Variants in TMEM132B observed in about 807,000 individuals in gnomAD.
TMEM132B encodes transmembrane protein 132B.
TMEM132B carries 18 observed loss-of-function variants against 90.8 expected under a neutral mutation model. That is an observed-to-expected ratio of 0.20 (90% CI 0.14 to 0.29). The LOEUF is 0.29. Ranked by LOEUF, TMEM132B falls within the 10% of genes least tolerant of loss-of-function variation. TMEM132B has a pLI of 1.00. For synonymous variants in TMEM132B, 504 were observed against 523.3 expected (o/e 0.96, Z 0.50); for missense variants, 1,096 against 1,326.8 (o/e 0.83, Z 2.70).
chr12:125,584,674 A>G (rs1161692247), intron 5 of TMEM132B: 1 of 152,280 alleles, frequency 6.6e-6, no homozygotes, highest in Non-Finnish European at 1.5e-5. Flanking sequence ...CTTCACTCAA[A>G]TTAGCTATGT....
At chr12:125,624,578 C>T (rs114449659) in intron 5 of TMEM132B, among the ~76,000 whole-genome samples, 152 of 152,222 alleles carry the variant, frequency 1.0e-3, no homozygotes, top group African/African-American at 3.6e-3. Context: ...TTATTGTCCT[C>T]GAGCTCACTG....
rs1887160884 is a variant in TMEM132B at position 125,659,689 on chromosome 12, A to T, written c.*4979A>T. 6.6e-6 allele frequency: 1 copy of T among 152,228 alleles called. No individual in the cohort carries two copies. The highest frequency in any genetic ancestry group is 1.5e-5 in the Non-Finnish European group (1 of 68,060). 9.4% of individuals were successfully genotyped at this position (152,228 alleles called of 1,614,324 possible). ...CTCCTTGCTTTTAGGATGAATAGGGATGCCTCTTTGGCGATAATTTGACGT... is the reference window on the plus strand; with the variant it reads ...CTCCTTGCTTTTAGGATGAATAGGGTTGCCTCTTTGGCGATAATTTGACGT... On this transcript the variant is annotated 3_prime_UTR_variant, in exon 9 of 9. Coordinates refer to ENST00000682704, the MANE Select transcript of TMEM132B (RefSeq NM_001366854.1).
At chr12:125,384,991 C>T (rs982645406) in intron 2 of TMEM132B, among the ~76,000 whole-genome samples, 3 of 152,182 alleles carry the variant, frequency 2.0e-5, no homozygotes, top group Admixed American at 2.0e-4. Context: ...TTTCCCCATC[C>T]TCTCAGCTCC....
At chr12:125,397,531 C>A (rs893684898) in intron 2 of TMEM132B, among the ~76,000 whole-genome samples, 7 of 152,158 alleles carry the variant, frequency 4.6e-5, no homozygotes, top group Non-Finnish European at 5.9e-5. Context: ...TCATGAGAAA[C>A]CCTTTATTGG....
rs1438861487 is a variant in TMEM132B, at chr12:125,415,286, T to G, written c.960-245T>G. Among the ~76,000 whole-genome samples, 1 of 152,170 alleles carries G rather than the reference T, an allele frequency of 6.6e-6. No individual in the cohort carries two copies. Among genetic ancestry groups the G allele is most frequent in the Non-Finnish European group, 1.5e-5 (1 of 68,044 alleles). On this transcript the variant is annotated intron_variant, in intron 2 of 8. Transcript: ENST00000682704. The surrounding 1 kb of genome is among the most constrained non-coding windows in gnomAD (Gnocchi z 5.3). ...AGTGATCTGGTTCCCAGCACACTGATTAAACAGAAAATTAATGCACATGGC... is the reference window on the plus strand; with the variant it reads ...AGTGATCTGGTTCCCAGCACACTGAGTAAACAGAAAATTAATGCACATGGC...
At chr12:125,537,886 C>T (rs1036887498) in intron 4 of TMEM132B, among the ~76,000 whole-genome samples, 2 of 152,302 alleles carry the variant, frequency 1.3e-5, no homozygotes, top group South Asian at 2.1e-4. Flanking sequence ...AGTGTCCCCA[C>T]TTGCAACATG....
intron 5 of TMEM132B, among the ~76,000 whole-genome samples, chr12:125,634,340 G>A (rs1886433700): frequency 1.3e-5 from 2 of 152,154 alleles, no homozygotes; most frequent in South Asian, 4.1e-4. Flanking sequence ...CTCCCCTCTG[G>A]CCCAAAGCAG....
intron 1 of TMEM132B, among the ~76,000 whole-genome samples, chr12:125,233,691 CCATTTAGT>C (rs1565980355): frequency 6.6e-6 from 1 of 152,190 alleles, no homozygotes; most frequent in Non-Finnish European, 1.5e-5. Flanking sequence ...CAGGATTTGG[CCATTTAGT>C]CTGAATCAAA....
chr12:125,474,802 G>A (rs1881827735), intron 3 of TMEM132B, among the ~76,000 whole-genome samples: 1 of 152,174 alleles, frequency 6.6e-6, no homozygotes, highest in Admixed American at 6.5e-5. Context: ...CCGTCTCTGG[G>A]CTCTGCCTAC....
intron 1 of TMEM132B, among the ~76,000 whole-genome samples, chr12:125,206,867 C>T (rs1238940538): frequency 3.9e-5 from 6 of 152,200 alleles, no homozygotes; most frequent in Non-Finnish European, 7.3e-5. Context: ...GGGGCTTGGA[C>T]GCATTGTTTC....
intron 4 of TMEM132B, among the ~76,000 whole-genome samples, chr12:125,576,461 TC>T (rs1593002094): frequency 6.9e-6 from 1 of 145,356 alleles, no homozygotes; most frequent in South Asian, 2.3e-4. Flanking sequence ...TTTCAATTAA[TC>T]CCCCCCACCC....
chr12:125,391,545 GA>G (rs1310016040), intron 2 of TMEM132B, among the ~76,000 whole-genome samples: 1 of 152,146 alleles, frequency 6.6e-6, no homozygotes, highest in Admixed American at 6.5e-5. Flanking sequence ...AAGTAGCAGA[GA>G]CCCTCCCCTA....
chr12:125,377,132 C>T (rs1432429727), intron 2 of TMEM132B, among the ~76,000 whole-genome samples: 1 of 152,232 alleles, frequency 6.6e-6, no homozygotes, highest in Non-Finnish European at 1.5e-5. Flanking sequence ...GCTGTCTGTG[C>T]ACTGCCTCTG....
At chr12:125,640,736 G>A (rs1039437212) in intron 5 of TMEM132B, among the ~76,000 whole-genome samples, 1 of 152,122 alleles carries the variant, frequency 6.6e-6, no homozygotes, top group African/African-American at 2.4e-5. Flanking sequence ...GCTGGATTCA[G>A]TACAGGTAAA....
intron 5 of TMEM132B, among the ~76,000 whole-genome samples, chr12:125,631,074 A>C (rs1462445030): frequency 1.3e-5 from 2 of 152,046 alleles, no homozygotes; most frequent in African/African-American, 4.8e-5. Context: ...AAGATGAATC[A>C]TTAAATTGTT....
chr12:125,205,927 CG>C lies in TMEM132B; in HGVS notation c.67+19064del, dbSNP rs1346888556. 5.3e-5 allele frequency among the ~76,000 whole-genome samples: 8 copies of C among 152,296 alleles called. No individual in the cohort carries two copies. In the East Asian group the frequency reaches 1.5e-3, roughly 29 times the overall value. On this transcript the variant is annotated intron_variant, in intron 1 of 8. Transcript: ENST00000682704. ...TTATTTGGAGAAAGATTGCAGCAGG[CG>C]GGACCCTCAGTAAGGGTTAATCATT...
intron 2 of TMEM132B, among the ~76,000 whole-genome samples, chr12:125,373,017 T>C (rs1878345492): frequency 6.6e-6 from 1 of 152,240 alleles, no homozygotes; most frequent in African/African-American, 2.4e-5. Flanking sequence ...TATGTGGTCC[T>C]CTTTGGCAAT....
chr12:125,352,015 C>T (rs1877602211), intron 2 of TMEM132B, among the ~76,000 whole-genome samples: 1 of 152,218 alleles, frequency 6.6e-6, no homozygotes, highest in South Asian at 2.1e-4. Flanking sequence ...AAACAAGGAT[C>T]CTGCTGCCAT....
intron 4 of TMEM132B, among the ~76,000 whole-genome samples, chr12:125,547,286 A>G (rs1264817773): frequency 2.6e-5 from 4 of 152,132 alleles, no homozygotes; most frequent in Admixed American, 2.0e-4. Flanking sequence ...GGTGCTATAC[A>G]TCTTTGTCAG....
Sources: gnomAD v4.1 joint callset for allele counts (sites outside exome capture counted in the v4.1 genomes callset) on GRCh38, gnomAD v4.1.1 for gene constraint, Gnocchi (gnomAD v3.1) non-coding constraint, MANE v1.5 for transcripts, NCBI Gene and HGNC (gene_info 2026-07-23, HGNC 2026-07-21) for gene names.